The following SYT12 variants were observed in gnomAD, a reference collection of about 807,000 sequenced individuals.
The protein encoded by SYT12 is synaptotagmin-12.
SYT12 carries 27 observed loss-of-function variants against 39.5 expected under a neutral mutation model. That is an observed-to-expected ratio of 0.68 (90% CI 0.50 to 0.94). The LOEUF (loss-of-function observed/expected upper bound fraction) is 0.94, where lower values mean the gene tolerates loss of function less well. Among genes scored for constraint, SYT12 ranks in the 40% least tolerant of loss-of-function variants. The pLI, the probability that SYT12 is intolerant of heterozygous loss-of-function variation, is 0.00. For missense variants in SYT12, 536 were observed against 572.6 expected, an observed-to-expected ratio of 0.94 and a Z score of 0.65; for synonymous variants, 233 against 239.7, an observed-to-expected ratio of 0.97 and a Z score of 0.26.
upstream of SYT12, among the ~76,000 whole-genome samples, chr11:67,021,227 C>A (rs761534659): frequency 1.6e-4 from 24 of 152,104 alleles, no homozygotes; most frequent in Non-Finnish European, 3.1e-4. Context: ...GAAGGGTGTT[C>A]AACATGAAAT....
intron 3 of SYT12, among the ~76,000 whole-genome samples, chr11:67,038,480 A>C (rs1427621460): frequency 6.6e-6 from 1 of 152,020 alleles, no homozygotes; most frequent in Non-Finnish European, 1.5e-5. Flanking sequence ...AAAAAAAATT[A>C]ATATTTGGGT....
At chr11:67,015,319 C>T (rs1341406623) in intron 3 of SYT12, among the ~76,000 whole-genome samples, 1 of 152,260 alleles carries the variant, frequency 6.6e-6, no homozygotes, top group African/African-American at 2.4e-5. Flanking sequence ...GCCACCCCTG[C>T]TGGCCTCAGC....
chr11:67,035,288 C>G (rs1950337017), intron 3 of SYT12, among the ~76,000 whole-genome samples: 1 of 151,340 alleles, frequency 6.6e-6, no homozygotes, highest in African/African-American at 2.4e-5. Context: ...GCGTGAGTCA[C>G]CACACCTGGC....
upstream of SYT12, among the ~76,000 whole-genome samples, chr11:67,019,504 T>C (rs1380504692): frequency 1.3e-5 from 2 of 150,586 alleles, no homozygotes; most frequent in African/African-American, 4.9e-5. Context: ...CTCATGAGAC[T>C]TACTACCACG....
chr11:67,048,664 G>A lies in SYT12; in HGVS notation c.1173G>A (p.Pro391=), dbSNP rs151209187. The A allele has an allele frequency of 9.5e-5, 153 of 1,612,840 alleles. No individual in the cohort carries two copies. In the African/African-American group the frequency reaches 1.6e-3, roughly 17 times the overall value. The change falls in exon 8 of 8, where the codon CCG becomes CCA. Residue 391 remains proline (P), a synonymous_variant. Coordinates refer to ENST00000527043, the MANE Select transcript of SYT12 (RefSeq NM_177963.4). Reference sequence around the variant, plus strand: ...ACGTGGGCCATGTCATCATTGGGCCGTCAGCCAGTGGCATGGGAACCACAC... The same window carrying A: ...ACGTGGGCCATGTCATCATTGGGCCATCAGCCAGTGGCATGGGAACCACAC... ...GDNVGHVIIG[P]SASGMGTTHW...
chr11:67,009,734 A>C (rs1194796901), intron 1 of SYT12: 2 of 152,276 alleles, frequency 1.3e-5, no homozygotes, highest in Non-Finnish European at 2.9e-5. Flanking sequence ...TCCAGGACAG[A>C]CACTATAAAT....
Position 67,035,825 on chromosome 11 carries a change from CCTTCCTTCCTTCCTTTCTTT to C in SYT12, c.228+991_228+1010del, listed in dbSNP as rs1401697521. Among the ~76,000 whole-genome samples the C allele has an allele frequency of 4.8e-3, 461 of 96,516 alleles. 1 individual carries two copies. The highest frequency in any genetic ancestry group is 6.6e-3 in the African/African-American group (151 of 22,948). The allele number at this position is 96,516 out of a possible 152,430, so 63.3% of individuals were successfully genotyped here. On this transcript the variant is annotated intron_variant, in intron 3 of 7. Coordinates refer to ENST00000527043, the MANE Select transcript of SYT12 (RefSeq NM_177963.4). ...TCCTTCCTTCCTTCCTTCCTTCCTT[CCTTCCTTCCTTCCTTTCTTT>C]CTTTCTTTCTTTCTTTCTTTCTTTC...
intron 7 of SYT12, among the ~76,000 whole-genome samples, chr11:67,047,777 CTTTTTT>C (rs1173796349): frequency 1.3e-5 from 1 of 76,060 alleles, no homozygotes; most frequent in Non-Finnish European, 2.4e-5. Context: ...ACCCCCATCT[CTTTTTT>C]TTTTTTTTTT....
chr11:67,042,850 A>G (rs1950539146), intron 4 of SYT12, among the ~76,000 whole-genome samples: 1 of 151,996 alleles, frequency 6.6e-6, no homozygotes, highest in Non-Finnish European at 1.5e-5. Flanking sequence ...AGGCAGTGAC[A>G]GAAGAGTGTG....
Position 67,048,640 on chromosome 11 carries a change from C to A in SYT12, c.1149C>A (p.Asn383Lys). The stretch of plus-strand genomic sequence containing the variant: ...GCAGCAGCGACGGCCGTGGGGACAA[C>A]GTGGGCCATGTCATCATTGGGCCGT... ...AESSSDGRGD[N>K]VGHVIIGPSA... Residue 383 changes from asparagine (N) to lysine (K), a missense_variant, in exon 8 of 8, where the codon AAC becomes AAA. Coordinates refer to ENST00000527043, the MANE Select transcript of SYT12 (RefSeq NM_177963.4). The A allele has an allele frequency of 6.2e-7, 1 of 1,612,624 alleles. No individual in the cohort carries two copies. The highest frequency in any genetic ancestry group is 1.3e-5 in the African/African-American group (1 of 75,044).
At chr11:67,012,676 C>G (rs1029593541) in intron 3 of SYT12, among the ~76,000 whole-genome samples, 59 of 152,278 alleles carry the variant, frequency 3.9e-4, no homozygotes, top group Middle Eastern at 3.4e-3. Flanking sequence ...TCTGTGTCCA[C>G]CTTAAAATGC....
chr11:67,034,310 A>G (rs1284777648), intron 2 of SYT12, among the ~76,000 whole-genome samples: 1 of 152,186 alleles, frequency 6.6e-6, no homozygotes, highest in Non-Finnish European at 1.5e-5. Context: ...AAATCCAAAA[A>G]TCCAAATCCA....
intron 4 of SYT12, among the ~76,000 whole-genome samples, chr11:67,043,371 G>T (rs1272239836): frequency 6.6e-6 from 1 of 152,212 alleles, no homozygotes; most frequent in East Asian, 1.9e-4. Flanking sequence ...AGGGTTCTGG[G>T]GTGCCACGGG....
At position 67,048,706 on chromosome 11, in the gene SYT12, G is replaced by T. The variant is rs745988645; in HGVS notation, c.1215G>T (p.Leu405Phe). 1.4e-5 allele frequency: 23 copies of T among 1,611,548 alleles called. No individual in the cohort carries two copies. The highest frequency in any genetic ancestry group is 2.0e-5 in the Non-Finnish European group (23 of 1,178,082). Residue 405 changes from leucine (L) to phenylalanine (F), a missense_variant, in exon 8 of 8, where the codon TTG becomes TTT. Physicochemically the swap from Leu to Phe is conservative, Grantham distance 22 (BLOSUM62 0). Coordinates refer to ENST00000527043, the MANE Select transcript of SYT12 (RefSeq NM_177963.4). Reference sequence around the variant, plus strand: ...GAACCACACATTGGAACCAGATGTTGGCCACGCTGCGCAGGCCCGTGTCCA... The same window carrying T: ...GAACCACACATTGGAACCAGATGTTTGCCACGCTGCGCAGGCCCGTGTCCA... Reference protein sequence around the residue: ...GMGTTHWNQMLATLRRPVSMW... With the variant: ...GMGTTHWNQMFATLRRPVSMW...
At chr11:67,023,061 C>G (rs1950129744), upstream of SYT12, 1 of 152,308 alleles carries the variant, frequency 6.6e-6, no homozygotes, top group African/African-American at 2.4e-5. Flanking sequence ...CCCACCCACC[C>G]CTGTCCCCAG....
intron 3 of SYT12, among the ~76,000 whole-genome samples, chr11:67,035,814 C>CTTCT (rs1486664249): frequency 1.3e-4 from 10 of 75,778 alleles, no homozygotes; most frequent in Admixed American, 2.9e-4. Context: ...TCCTTCCTTC[C>CTTCT]TTCCTTCCTT....
intron 2 of SYT12, chr11:67,032,096 C>G (rs1008459613): frequency 6.6e-6 from 1 of 152,250 alleles, no homozygotes; most frequent in Non-Finnish European, 1.5e-5. Flanking sequence ...CTGGTCTGCC[C>G]AGCCCGTGAC....
At chr11:67,017,416 G>C (rs933686249) in intron 3 of SYT12, among the ~76,000 whole-genome samples, 1 of 150,758 alleles carries the variant, frequency 6.6e-6, no homozygotes, top group Non-Finnish European at 1.5e-5. Flanking sequence ...CTGGAGTGCA[G>C]TAGTGCGAAC....
At position 67,050,821 on chromosome 11, in the gene SYT12, A is replaced by T. The variant is rs1013664927; in HGVS notation, c.*2064A>T. ...GGGCAGGAAGAGGGGGCTTCCAGGG[A>T]GCCCTGCTCGGCCCTGAATCACCTT... On this transcript the variant is annotated 3_prime_UTR_variant, in exon 8 of 8. Coordinates refer to ENST00000527043, the MANE Select transcript of SYT12 (RefSeq NM_177963.4). 1 of 152,220 alleles carries T rather than the reference A, an allele frequency of 6.6e-6. No homozygotes were observed. Among genetic ancestry groups the T allele is most frequent in the Non-Finnish European group, 1.5e-5 (1 of 68,078 alleles). The allele number at this position is 152,220 out of a possible 1,614,324, so 9.4% of individuals were successfully genotyped here. A position where few individuals can be genotyped will look rare whatever the true frequency, so the allele number is the denominator to read the frequency against.
Sources: allele counts gnomAD v4.1 joint callset (sites outside exome capture counted in the v4.1 genomes callset), GRCh38; gene constraint gnomAD v4.1.1; transcripts MANE v1.5; gene names NCBI Gene and HGNC (gene_info 2026-07-23, HGNC 2026-07-21).